GREB1: variants seen among roughly 807,000 people sequenced by gnomAD.
GREB1 encodes protein GREB1.
Under a neutral mutation model 200.7 loss-of-function variants are expected in GREB1, and 106 were observed. That is an observed-to-expected ratio of 0.53 (90% confidence interval 0.45 to 0.62). The LOEUF (loss-of-function observed/expected upper bound fraction) is 0.62. Among genes scored for constraint, GREB1 ranks in the 20% least tolerant of loss-of-function variants. The pLI, the probability that GREB1 is intolerant of heterozygous loss-of-function variation, is 0.00. For missense variants in GREB1, 2,243 were observed against 2,556.8 expected (o/e 0.88, Z 2.65); for synonymous variants, 1,132 against 1,092.4 (o/e 1.04, Z -0.72).
chr2:11,549,129 CTA>C (rs1675568578), intron 1 of GREB1, among the ~76,000 whole-genome samples: 1 of 152,068 alleles, frequency 6.6e-6, no homozygotes, highest in Admixed American at 6.5e-5. Flanking sequence ...ATCTGGAAAT[CTA>C]TGTTTTTCAG....
chr2:11,568,133 C>T (rs1055802590), intron 4 of GREB1, among the ~76,000 whole-genome samples: 1 of 152,196 alleles, frequency 6.6e-6, no homozygotes, highest in Non-Finnish European at 1.5e-5. Context: ...AAGTTGAAAA[C>T]CCCCACAATT....
At chr2:11,504,136 T>G (rs916402956) in intron 1 of GREB1, among the ~76,000 whole-genome samples, 11 of 152,214 alleles carry the variant, frequency 7.2e-5, no homozygotes, top group African/African-American at 2.7e-4. Flanking sequence ...TCTGCTGATA[T>G]GAGAACTGAG....
chr2:11,616,249 CAG>C (rs1485730975), intron 20 of GREB1, among the ~76,000 whole-genome samples: 1 of 152,232 alleles, frequency 6.6e-6, no homozygotes, highest in East Asian at 1.9e-4. Context: ...TCCTGCTGCT[CAG>C]AGTTTTCCTT....
intron 23 of GREB1, among the ~76,000 whole-genome samples, chr2:11,623,345 T>C (rs1035213257): frequency 6.6e-6 from 1 of 152,256 alleles, no homozygotes; most frequent in Non-Finnish European, 1.5e-5. Flanking sequence ...TTTACCATAC[T>C]TTTATTATAG....
intron 10 of GREB1, among the ~76,000 whole-genome samples, chr2:11,590,969 G>T (rs538092900): frequency 1.3e-5 from 2 of 152,156 alleles, no homozygotes; most frequent in Non-Finnish European, 2.9e-5. Flanking sequence ...CATGGGAAGC[G>T]GCTGGCAACC....
At chr2:11,520,404 T>G (rs1415876760) in intron 1 of GREB1, among the ~76,000 whole-genome samples, 1 of 152,190 alleles carries the variant, frequency 6.6e-6, no homozygotes, top group Non-Finnish European at 1.5e-5. Context: ...GGCGGCATTC[T>G]TTTCCTGTGG....
chr2:11,491,899 G>A (rs573931882), intron 1 of GREB1, among the ~76,000 whole-genome samples: 2 of 152,264 alleles, frequency 1.3e-5, no homozygotes, highest in African/African-American at 2.4e-5. Context: ...TCAGTTCTGC[G>A]AATTACCCTT....
rs761359837 is a variant in GREB1 at position 11,585,180 on chromosome 2, GC to G, written c.927del (p.Lys311AsnfsTer65). On this transcript the variant is annotated frameshift_variant, in exon 8 of 33. Coordinates refer to ENST00000381486, the MANE Select transcript of GREB1 (RefSeq NM_014668.4). LOFTEE classifies it high-confidence loss of function. ...SALGILSNSG[P>X]PKKRHKGWSP... Reference sequence around the variant, plus strand: ...GTCTAGGTATCTTGTCAAACTCCGGGCCCCCCAAAAAACGCCACAAAGGGTG... The same window carrying G: ...GTCTAGGTATCTTGTCAAACTCCGGGCCCCCAAAAAACGCCACAAAGGGTG... 5 of 1,575,350 alleles carry G rather than the reference GC, an allele frequency of 3.2e-6. No individual in the cohort carries two copies. The highest frequency in any genetic ancestry group is 1.9e-5 in the Admixed American group (1 of 51,374).
At position 11,632,976 on chromosome 2, in the gene GREB1, A is replaced by G; in HGVS notation, c.4904A>G (p.Gln1635Arg). 6.2e-7 allele frequency: 1 copy of G among 1,614,212 alleles called. No individual in the cohort carries two copies. Among genetic ancestry groups the G allele is most frequent in the Middle Eastern group, 1.6e-4 (1 of 6,062 alleles). The change falls in exon 28 of 33, where the codon CAG becomes CGG. Residue 1635 changes from glutamine to arginine, a missense_variant. This residue lies in a region of GREB1 where 478 missense variants were observed against 616.3 expected (regional missense o/e 0.78). Transcript: ENST00000381486. ...CAGGAGGAGCTGGGAATCAAGCCGCAGGACATCTGGCCTTTCATTGTGATC... is the reference window on the plus strand; with the variant it reads ...CAGGAGGAGCTGGGAATCAAGCCGCGGGACATCTGGCCTTTCATTGTGATC... ...NRQEELGIKPQDIWPFIVISD... is the reference protein window; with the variant it reads ...NRQEELGIKPRDIWPFIVISD...
upstream of GREB1, among the ~76,000 whole-genome samples, chr2:11,531,665 G>C (rs1457039780): frequency 6.6e-6 from 1 of 151,934 alleles, no homozygotes; most frequent in African/African-American, 2.4e-5. Flanking sequence ...TGGCATCTCG[G>C]GTTCAAGCGA....
rs548463788 is a variant in GREB1, at chr2:11,503,227, C to T, written c.-159+20846C>T. Reference sequence around the variant, plus strand: ...TCCCTCATCCCAGAGGGACAATTCTCATGAGTGTGGCATGGCTTGTTTCTG... The same window carrying T: ...TCCCTCATCCCAGAGGGACAATTCTTATGAGTGTGGCATGGCTTGTTTCTG... On this transcript the variant is annotated intron_variant, in intron 1 of 2. Transcript: ENST00000628795. 2.7e-4 allele frequency among the ~76,000 whole-genome samples: 41 copies of T among 152,296 alleles called. No individual in the cohort carries two copies. The South Asian group carries it at 8.3e-3, about 31-fold the overall frequency.
Position 11,581,053 on chromosome 2 carries a change from A to G in GREB1, c.901+221A>G. The G allele has an allele frequency of 5.9e-6, 4 of 677,086 alleles. 1 individual carries two copies. The highest frequency in any genetic ancestry group is 2.7e-6 in the Non-Finnish European group (1 of 366,292). 41.9% of individuals were successfully genotyped at this position (677,086 alleles called of 1,614,324 possible). A position where few individuals can be genotyped will look rare whatever the true frequency, so the allele number is the denominator to read the frequency against. On this transcript the variant is annotated intron_variant, in intron 7 of 32. Coordinates refer to ENST00000381486, the MANE Select transcript of GREB1 (RefSeq NM_014668.4). ...CACTTGGGAGTTACCGTATGTGCCA[A>G]GGAGCAGTGAGACACCTGTGGTAAT...
At chr2:11,574,990 G>A (rs993067330) in intron 4 of GREB1, among the ~76,000 whole-genome samples, 1 of 152,250 alleles carries the variant, frequency 6.6e-6, no homozygotes, top group Non-Finnish European at 1.5e-5. Context: ...GACTAGATGT[G>A]CTCAAAGTAG....
At chr2:11,604,513 G>C (rs1189870189) in intron 17 of GREB1, among the ~76,000 whole-genome samples, 1 of 152,150 alleles carries the variant, frequency 6.6e-6, no homozygotes, top group African/African-American at 2.4e-5. Flanking sequence ...TGCTAAACTA[G>C]AAGTGTTGCA....
At chr2:11,519,159 T>A (rs375921148) in intron 1 of GREB1, among the ~76,000 whole-genome samples, 1 of 151,928 alleles carries the variant, frequency 6.6e-6, no homozygotes, top group African/African-American at 2.4e-5. Context: ...TTGGCAGATG[T>A]CTTCCAAAAA....
intron 1 of GREB1, among the ~76,000 whole-genome samples, chr2:11,501,914 T>G (rs1269959066): frequency 1.2e-4 from 13 of 109,158 alleles, no homozygotes; most frequent in South Asian, 6.8e-4. Context: ...TGTTTTTTTT[T>G]TTTTTTTTTT....
intron 1 of GREB1, among the ~76,000 whole-genome samples, chr2:11,483,233 CGTGTGCGTGTATGGGTGTGCGTGT>C (rs1442644217): frequency 6.8e-6 from 1 of 146,726 alleles, no homozygotes; most frequent in African/African-American, 2.5e-5. Flanking sequence ...GGTGTGCGTG[CGTGTGCGTGTATGGGTGTGCGTGT>C]GTGCACGTGT....
chr2:11,612,921 A>G lies in GREB1; in HGVS notation c.3122+311A>G, dbSNP rs528390705. On this transcript the variant is annotated intron_variant, in intron 19 of 32. Coordinates refer to ENST00000381486, the MANE Select transcript of GREB1 (RefSeq NM_014668.4). ...TGCCTCCTGAGTTCAGTGTCTCCCC[A>G]TGGGGCGCTCTGTGTGTGCTGGGGA... Among the ~76,000 whole-genome samples, 67 of 152,250 alleles carry G rather than the reference A, an allele frequency of 4.4e-4. 1 individual carries two copies. Among genetic ancestry groups the G allele is most frequent in the African/African-American group, 1.4e-3 (60 of 41,540 alleles).
intron 1 of GREB1, among the ~76,000 whole-genome samples, chr2:11,527,043 C>G (rs755487143): frequency 6.6e-6 from 1 of 152,192 alleles, no homozygotes; most frequent in African/African-American, 2.4e-5. Flanking sequence ...GCCCTCCATC[C>G]TTCCACTACA....
Sources: allele counts gnomAD v4.1 joint callset (sites outside exome capture counted in the v4.1 genomes callset), GRCh38; gene constraint gnomAD v4.1.1; regional missense constraint gnomAD v4.1.1; transcripts MANE v1.5; gene names NCBI Gene and HGNC (gene_info 2026-07-23, HGNC 2026-07-21).